Variants in FRMD4B observed in about 807,000 individuals in gnomAD.
FRMD4B encodes the protein FERM domain-containing protein 4B.
FRMD4B carries 74 observed loss-of-function variants against 141.5 expected under a neutral mutation model. The ratio of observed to expected loss-of-function variants is 0.52; its 90% CI spans 0.43 to 0.63. FRMD4B has a LOEUF of 0.63. Ranked by LOEUF, FRMD4B falls within the 30% of genes least tolerant of loss-of-function variation. The probability of loss-of-function intolerance (pLI) is 0.00; values close to 1 mark genes in which losing one functional copy is unlikely to be tolerated. For synonymous variants in FRMD4B, 506 were observed against 467.9 expected (o/e 1.08, Z -1.05); for missense variants, 1,366 against 1,253.4 (o/e 1.09, Z -1.36).
chr3:69,292,189 G>T (rs35548440), intron 4 of FRMD4B, among the ~76,000 whole-genome samples: 79,837 of 151,890 alleles, frequency 0.53, 21,133 homozygotes, highest in Admixed American at 0.56. Flanking sequence ...ACCAGCCTGA[G>T]GCAATTAACT....
At chr3:69,265,041 G>A (rs1449631121) in intron 5 of FRMD4B, among the ~76,000 whole-genome samples, 1 of 151,388 alleles carries the variant, frequency 6.6e-6, no homozygotes, top group Non-Finnish European at 1.5e-5. Context: ...GGATCATGAG[G>A]TCAGGAGATC....
At chr3:69,503,727 C>T (rs1706543591) in intron 1 of FRMD4B, among the ~76,000 whole-genome samples, 1 of 152,120 alleles carries the variant, frequency 6.6e-6, no homozygotes, top group Non-Finnish European at 1.5e-5. Context: ...CTTCTCCATG[C>T]CCCATCATGC....
intron 5 of FRMD4B, 24 bp downstream of exon 5, chr3:69,287,728 G>C (rs1282163154): frequency 1.5e-6 from 2 of 1,302,658 alleles, no homozygotes; most frequent in Admixed American, 3.4e-5. Flanking sequence ...GGCATCCAGT[G>C]AACATGACAA....
chr3:69,472,394 T>C (rs1165241179), intron 1 of FRMD4B: 4 of 495,258 alleles, frequency 8.1e-6, no homozygotes, highest in South Asian at 4.6e-5. Flanking sequence ...TCTTAATATC[T>C]TGGAAGTGCC....
intron 2 of FRMD4B, among the ~76,000 whole-genome samples, chr3:69,409,622 C>T (rs1265945133): frequency 6.6e-6 from 1 of 152,174 alleles, no homozygotes; most frequent in South Asian, 2.1e-4. Flanking sequence ...ACCTCCACTT[C>T]AGGGGAAAAC....
At chr3:69,265,792 C>G (rs2093558705) in intron 5 of FRMD4B, among the ~76,000 whole-genome samples, 1 of 151,958 alleles carries the variant, frequency 6.6e-6, no homozygotes, top group Non-Finnish European at 1.5e-5. Context: ...TAAATAGAAA[C>G]CAGATCTTTG....
chr3:69,281,231 G>A (rs1030846373), intron 5 of FRMD4B, among the ~76,000 whole-genome samples: 12 of 152,016 alleles, frequency 7.9e-5, no homozygotes, highest in Non-Finnish European at 1.6e-4. Context: ...CACTGTGCCC[G>A]GCCTGAAATT....
At chr3:69,245,121 A>G (rs1228523198) in intron 7 of FRMD4B, among the ~76,000 whole-genome samples, 2 of 152,178 alleles carry the variant, frequency 1.3e-5, no homozygotes, top group Non-Finnish European at 2.9e-5. Flanking sequence ...CAGCAATCCT[A>G]TGGAGTGTGT....
At chr3:69,445,137 C>T (rs2106872998) in intron 1 of FRMD4B, among the ~76,000 whole-genome samples, 1 of 152,206 alleles carries the variant, frequency 6.6e-6, no homozygotes, top group Middle Eastern at 3.4e-3. Flanking sequence ...CGACAGCAGC[C>T]AGAAAGGGTT....
chr3:69,347,718 G>A (rs1361302313), intron 1 of FRMD4B, among the ~76,000 whole-genome samples: 2 of 152,182 alleles, frequency 1.3e-5, no homozygotes, highest in African/African-American at 4.8e-5. Flanking sequence ...TGAACAACCT[G>A]CTCCTGAAAG....
intron 1 of FRMD4B, among the ~76,000 whole-genome samples, chr3:69,455,049 A>G (rs1340260641): frequency 2.0e-5 from 3 of 152,192 alleles, no homozygotes; most frequent in Non-Finnish European, 4.4e-5. Context: ...ATGTCTAGCT[A>G]AAGGATTGTA....
chr3:69,435,610 TCTGGCCCTTTACAGAGAAAGTTTG>T (rs1206439034), intron 1 of FRMD4B, among the ~76,000 whole-genome samples: 3 of 152,202 alleles, frequency 2.0e-5, no homozygotes, highest in Non-Finnish European at 4.4e-5. Context: ...ATATACTCTA[TCTGGCCCTTTACAGAGAAAGTTTG>T]CTGGCCCTTT....
intron 1 of FRMD4B, among the ~76,000 whole-genome samples, chr3:69,370,872 A>G (rs567641418): frequency 6.6e-6 from 1 of 152,114 alleles, no homozygotes; most frequent in Admixed American, 6.5e-5. Context: ...CAGGCTTCTT[A>G]AAGTGTAAAG....
chr3:69,213,514 T>A (rs1328698846), intron 11 of FRMD4B, among the ~76,000 whole-genome samples: 2 of 152,120 alleles, frequency 1.3e-5, no homozygotes, highest in Admixed American at 1.3e-4. Flanking sequence ...CAATAGTACT[T>A]ATACTCCTCC....
intron 1 of FRMD4B, among the ~76,000 whole-genome samples, chr3:69,503,781 GCTA>G (rs1334204835): frequency 6.6e-6 from 1 of 152,124 alleles, no homozygotes; most frequent in Admixed American, 6.5e-5. Flanking sequence ...GAGATCACCA[GCTA>G]AACAGTTAGT....
At chr3:69,343,034 G>C (rs1339439138) in intron 1 of FRMD4B, among the ~76,000 whole-genome samples, 1 of 152,032 alleles carries the variant, frequency 6.6e-6, no homozygotes, top group African/African-American at 2.4e-5. Context: ...GCTCGCTGCA[G>C]CCTCGGACTC....
chr3:69,335,275 A>C (rs1334106288), intron 1 of FRMD4B, among the ~76,000 whole-genome samples: 2 of 152,202 alleles, frequency 1.3e-5, no homozygotes, highest in African/African-American at 2.4e-5. Flanking sequence ...ATCTGAGAAA[A>C]GCATATTCCA....
In FRMD4B at chr3:69,432,193, C is replaced by A. The variant is rs1379546446; in HGVS notation, c.-1+441G>T. On this transcript the variant is annotated intron_variant, in intron 2 of 5. Transcript: ENST00000459638. Reference sequence around the variant, plus strand: ...AAATCATTGCACTTATAAAAAGAATCAATTGTTTGCTTTGCTCAGTTGTCC... The same window carrying A: ...AAATCATTGCACTTATAAAAAGAATAAATTGTTTGCTTTGCTCAGTTGTCC... Among the ~76,000 whole-genome samples the A allele has an allele frequency of 2.6e-5, 4 of 152,186 alleles. No individual in the cohort carries two copies. The East Asian group carries it at 7.7e-4, about 29-fold the overall frequency.
intron 1 of FRMD4B, among the ~76,000 whole-genome samples, chr3:69,465,381 G>C (rs1404601236): frequency 1.3e-5 from 2 of 150,720 alleles, no homozygotes; most frequent in African/African-American, 2.4e-5. Flanking sequence ...GGTTAGCATT[G>C]ACTGGATTAT....
Sources: allele counts gnomAD v4.1 joint callset (sites outside exome capture counted in the v4.1 genomes callset), GRCh38; gene constraint gnomAD v4.1.1; transcripts MANE v1.5; gene names NCBI Gene and HGNC (gene_info 2026-07-23, HGNC 2026-07-21).